ZNF438: variants seen among roughly 807,000 people sequenced by gnomAD.
ZNF438 encodes the protein zinc finger protein 438.
A neutral mutation model predicts 38.0 loss-of-function variants in ZNF438; 25 were observed. That is an observed-to-expected ratio of 0.66 (90% CI 0.48 to 0.92). ZNF438 has a LOEUF of 0.92. Ranked by LOEUF, ZNF438 falls within the 40% of genes least tolerant of loss-of-function variation. The probability of loss-of-function intolerance (pLI) is 0.00; values close to 1 mark genes in which losing one functional copy is unlikely to be tolerated. For missense variants in ZNF438, 1,007 were observed against 999.6 expected, an observed-to-expected ratio of 1.01 and a Z score of -0.10; for synonymous variants, 372 against 364.1, an observed-to-expected ratio of 1.02 and a Z score of -0.25.
Position 30,874,114 on chromosome 10 carries a change from G to GTATA in ZNF438, c.37+2880_37+2883dup, listed in dbSNP as rs58422289. Among the ~76,000 whole-genome samples the GTATA allele has an allele frequency of 4.3e-3, 347 of 79,878 alleles. 4 individuals are homozygous for GTATA. Among genetic ancestry groups the GTATA allele is most frequent in the Non-Finnish European group, 5.9e-3 (255 of 43,506 alleles). The allele number at this position is 79,878 out of a possible 152,430, so 52.4% of individuals were successfully genotyped here. A position where few individuals can be genotyped will look rare whatever the true frequency, so the allele number is the denominator to read the frequency against. The stretch of plus-strand genomic sequence containing the variant: ...TGTGGGTGTGTGGGGGTGTGTGTGT[G>GTATA]TATATATATATATATATATATATAT... On this transcript the variant is annotated intron_variant, in intron 4 of 5. Coordinates refer to ENST00000413025, the Ensembl canonical transcript of ZNF438.
chr10:30,927,693 T>C (rs1178166547), intron 2 of ZNF438, among the ~76,000 whole-genome samples: 1 of 152,206 alleles, frequency 6.6e-6, no homozygotes, highest in Non-Finnish European at 1.5e-5. Flanking sequence ...CCGAAGGGTC[T>C]TTTACAAAGA....
intron 2 of ZNF438, chr10:30,919,987 A>G (rs2044106781): frequency 6.6e-6 from 1 of 152,166 alleles, no homozygotes; most frequent in South Asian, 2.1e-4. Flanking sequence ...TCTGTGCCTC[A>G]TCAGTATTAG....
chr10:30,862,002 T>C (rs1381336241), intron 4 of ZNF438, among the ~76,000 whole-genome samples: 2 of 152,246 alleles, frequency 1.3e-5, no homozygotes, highest in Non-Finnish European at 2.9e-5. Context: ...ATATTCTTTT[T>C]GTTGTTATTA....
chr10:30,908,824 A>G (rs1033942329), intron 3 of ZNF438, 109 bp downstream of exon 4: 10 of 152,178 alleles, frequency 6.6e-5, no homozygotes, highest in Admixed American at 5.9e-4. Flanking sequence ...TACAAAATCT[A>G]CTCTGTGAAG....
Position 31,004,746 on chromosome 10 carries a change from C to A in ZNF438, c.-192+27087G>T, listed in dbSNP as rs149875700. ...TGCCGGAAAATAATTTGAATCAAAG[C>A]ATCTAGGCTGGATAAGGAAGGAACT... On this transcript the variant is annotated intron_variant, in intron 1 of 5. Coordinates refer to ENST00000413025, the Ensembl canonical transcript of ZNF438. Among the ~76,000 whole-genome samples the A allele has an allele frequency of 3.1e-3, 478 of 152,154 alleles. 2 individuals carry two copies. The highest frequency in any genetic ancestry group is 0.011 in the African/African-American group (442 of 41,510).
At chr10:31,023,938 G>C (rs1431509250) in intron 1 of ZNF438, among the ~76,000 whole-genome samples, 1 of 152,156 alleles carries the variant, frequency 6.6e-6, no homozygotes, top group Non-Finnish European at 1.5e-5. Context: ...CCTGTTTAAA[G>C]GACTGTCTTC....
intron 1 of ZNF438, among the ~76,000 whole-genome samples, chr10:30,993,049 C>A (rs559014736): frequency 2.0e-5 from 3 of 152,150 alleles, no homozygotes; most frequent in Non-Finnish European, 4.4e-5. Flanking sequence ...AATTTATAAT[C>A]AAATGAAAAG....
intron 3 of ZNF438, among the ~76,000 whole-genome samples, chr10:30,880,437 A>G (rs1056546412): frequency 6.6e-6 from 1 of 151,344 alleles, no homozygotes; most frequent in African/African-American, 2.4e-5. Context: ...ATCTAAAAAA[A>G]AAAAAAAAAA....
chr10:31,012,306 G>C (rs1366645533), intron 1 of ZNF438, among the ~76,000 whole-genome samples: 1 of 151,756 alleles, frequency 6.6e-6, no homozygotes, highest in Non-Finnish European at 1.5e-5. Flanking sequence ...TGTATTTTTA[G>C]TAGAGATGGG....
chr10:30,854,058 G>A (rs1180114326), intron 4 of ZNF438, among the ~76,000 whole-genome samples: 1 of 152,146 alleles, frequency 6.6e-6, no homozygotes, highest in African/African-American at 2.4e-5. Context: ...GGTGGCTCAC[G>A]CCTGTAATCC....
At chr10:30,966,439 G>T (rs1036098917) in intron 1 of ZNF438, among the ~76,000 whole-genome samples, 11 of 152,134 alleles carry the variant, frequency 7.2e-5, no homozygotes, top group African/African-American at 2.7e-4. Flanking sequence ...AGAAGGCCGA[G>T]GCGGGTGGAT....
At chr10:30,887,191 T>C (rs2040062054) in intron 3 of ZNF438, among the ~76,000 whole-genome samples, 1 of 152,174 alleles carries the variant, frequency 6.6e-6, no homozygotes, top group Admixed American at 6.5e-5. Flanking sequence ...ACCACTGAAA[T>C]TATTCAAGCT....
intron 1 of ZNF438, among the ~76,000 whole-genome samples, chr10:31,028,014 C>T (rs897966785): frequency 6.6e-6 from 1 of 151,962 alleles, no homozygotes; most frequent in Non-Finnish European, 1.5e-5. Flanking sequence ...GAAAGATCTA[C>T]GGGAACAAGA....
chr10:30,983,622 T>TA (rs1175924539), intron 1 of ZNF438, among the ~76,000 whole-genome samples: 1 of 152,164 alleles, frequency 6.6e-6, no homozygotes, highest in East Asian at 1.9e-4. Context: ...TCACCAATGT[T>TA]AAAAAAATAA....
intron 3 of ZNF438, among the ~76,000 whole-genome samples, chr10:30,898,626 AG>A (rs1157904009): frequency 2.6e-5 from 4 of 152,162 alleles, no homozygotes; most frequent in South Asian, 4.2e-4. Flanking sequence ...CCGTTCTAAA[AG>A]GGGGGGAACG....
chr10:30,889,566 C>T (rs544031120), intron 3 of ZNF438, among the ~76,000 whole-genome samples: 81 of 152,220 alleles, frequency 5.3e-4, no homozygotes, highest in African/African-American at 1.7e-3. Flanking sequence ...CCACCACATG[C>T]GGCTCCTGTT....
At chr10:31,026,681 G>C (rs1481087952) in intron 1 of ZNF438, among the ~76,000 whole-genome samples, 1 of 152,118 alleles carries the variant, frequency 6.6e-6, no homozygotes. Flanking sequence ...AAGACAGTGT[G>C]GCGATTCCTC....
chr10:31,005,771 G>C, intron 1 of ZNF438, among the ~76,000 whole-genome samples: 1 of 152,190 alleles, frequency 6.6e-6, no homozygotes, highest in Middle Eastern at 3.4e-3. Context: ...TAAAAAAATA[G>C]GTATTTACTA....
chr10:31,016,170 G>C (rs1325972173), intron 1 of ZNF438, among the ~76,000 whole-genome samples: 1 of 151,966 alleles, frequency 6.6e-6, no homozygotes, highest in African/African-American at 2.4e-5. Flanking sequence ...GAAAATATCA[G>C]GATATAAAAT....
Sources: allele counts gnomAD v4.1 joint callset (sites outside exome capture counted in the v4.1 genomes callset), GRCh38; gene constraint gnomAD v4.1.1; transcripts MANE v1.5; gene names NCBI Gene and HGNC (gene_info 2026-07-23, HGNC 2026-07-21).